SHISA9: variants seen among roughly 807,000 people sequenced by gnomAD.
SHISA9 encodes shisa family member 9.
A neutral mutation model predicts 38.0 loss-of-function variants in SHISA9; 13 were observed. The ratio of observed to expected loss-of-function variants is 0.34; its 90% CI spans 0.22 to 0.54. The LOEUF is 0.54. Ranked by LOEUF, SHISA9 falls within the 20% of genes least tolerant of loss-of-function variation. SHISA9 has a pLI of 0.91. For missense variants in SHISA9, 538 were observed against 575.8 expected, an observed-to-expected ratio of 0.93 and a Z score of 0.67; for synonymous variants, 275 against 242.0, an observed-to-expected ratio of 1.14 and a Z score of -1.27.
chr16:13,447,434 C>T, the SHISA9 span, among the ~76,000 whole-genome samples: 1 of 152,182 alleles, frequency 6.6e-6, no homozygotes, highest in Admixed American at 6.5e-5. Flanking sequence ...CACATGTTGG[C>T]CCATCTCTGG....
chr16:13,042,672 A>G (rs1005024926), intron 2 of SHISA9, among the ~76,000 whole-genome samples: 1 of 152,150 alleles, frequency 6.6e-6, no homozygotes, highest in Non-Finnish European at 1.5e-5. Context: ...TTCAGATAAG[A>G]GTCTGAGGGA....
At chr16:13,469,547 TCTATC>T in the SHISA9 span, among the ~76,000 whole-genome samples, 1 of 152,182 alleles carries the variant, frequency 6.6e-6, no homozygotes, top group African/African-American at 2.4e-5. Flanking sequence ...CTCATCTTCT[TCTATC>T]CTATAAAATC....
the SHISA9 span, among the ~76,000 whole-genome samples, chr16:13,497,592 C>T: frequency 4.7e-5 from 7 of 148,976 alleles, no homozygotes; most frequent in Admixed American, 2.7e-4. Flanking sequence ...AACTGAGGCA[C>T]GAGAATTGCT....
the SHISA9 span, among the ~76,000 whole-genome samples, chr16:13,311,151 C>G: frequency 6.6e-6 from 1 of 152,058 alleles, no homozygotes; most frequent in Non-Finnish European, 1.5e-5. Flanking sequence ...CTGCCTGATT[C>G]TTCTTGCTCT....
chr16:13,282,432 T>A, the SHISA9 span, among the ~76,000 whole-genome samples: 2 of 152,038 alleles, frequency 1.3e-5, no homozygotes, highest in Non-Finnish European at 2.9e-5. Flanking sequence ...AGATTTTTTG[T>A]CTTTTGTTTT....
intron 1 of SHISA9, among the ~76,000 whole-genome samples, chr16:12,912,373 A>T (rs1232878530): frequency 1.3e-5 from 2 of 152,186 alleles, no homozygotes; most frequent in Non-Finnish European, 2.9e-5. Flanking sequence ...GAACCGACCA[A>T]GTTCACAGTA....
chr16:13,352,817 C>T, the SHISA9 span, among the ~76,000 whole-genome samples: 2 of 150,410 alleles, frequency 1.3e-5, no homozygotes, highest in African/African-American at 5.0e-5. Flanking sequence ...AGTGGGGGAG[C>T]TTTTTGAGCC....
chr16:12,918,863 A>G (rs939197881), intron 2 of SHISA9, among the ~76,000 whole-genome samples: 1 of 152,198 alleles, frequency 6.6e-6, no homozygotes, highest in Non-Finnish European at 1.5e-5. Flanking sequence ...GGTTGATCCA[A>G]TTCTTCTTTC....
the SHISA9 span, among the ~76,000 whole-genome samples, chr16:13,359,952 G>A: frequency 6.6e-6 from 1 of 152,206 alleles, no homozygotes; most frequent in Non-Finnish European, 1.5e-5. Context: ...AGGGTGGATA[G>A]AGTTTCATCT....
chr16:13,299,474 G>A, the SHISA9 span, among the ~76,000 whole-genome samples: 1 of 152,108 alleles, frequency 6.6e-6, no homozygotes, highest in Non-Finnish European at 1.5e-5. Flanking sequence ...AGCACTTTAG[G>A]AGGCTGAGGT....
At chr16:13,022,271 C>T (rs922538571) in intron 2 of SHISA9, among the ~76,000 whole-genome samples, 1 of 152,100 alleles carries the variant, frequency 6.6e-6, no homozygotes, top group Non-Finnish European at 1.5e-5. Context: ...CTCACCTCAG[C>T]CTCTCGAGTA....
At chr16:13,343,833 G>A in the SHISA9 span, among the ~76,000 whole-genome samples, 1 of 152,178 alleles carries the variant, frequency 6.6e-6, no homozygotes, top group East Asian at 1.9e-4. Context: ...AACATCTTGA[G>A]AAGCTTTTGT....
chr16:13,003,270 G>T (rs1381843977), intron 2 of SHISA9, among the ~76,000 whole-genome samples: 2 of 152,204 alleles, frequency 1.3e-5, no homozygotes, highest in Admixed American at 1.3e-4. Flanking sequence ...CCATGGACAT[G>T]TTTCAAGGCA....
the SHISA9 span, among the ~76,000 whole-genome samples, chr16:13,540,581 C>T: frequency 1.3e-5 from 2 of 152,144 alleles, no homozygotes; most frequent in African/African-American, 4.8e-5. Context: ...GTCTCATTCC[C>T]CATTCCCCTA....
intron 1 of SHISA9, chr16:12,902,849 CGTGTGT>C (rs3974950): frequency 1.8e-5 from 9 of 492,950 alleles, no homozygotes; most frequent in South Asian, 2.8e-5. Flanking sequence ...TGTGTGTGAG[CGTGTGT>C]GTGTGTGTGT....
chr16:13,481,315 T>A, the SHISA9 span, among the ~76,000 whole-genome samples: 1 of 152,112 alleles, frequency 6.6e-6, no homozygotes, highest in Non-Finnish European at 1.5e-5. Flanking sequence ...TTCTATATGT[T>A]GGGTACATTG....
intron 2 of SHISA9, among the ~76,000 whole-genome samples, chr16:13,199,143 T>C (rs949726563): frequency 6.6e-6 from 1 of 152,140 alleles, no homozygotes; most frequent in Non-Finnish European, 1.5e-5. Flanking sequence ...TTGAGCCTAG[T>C]AGGTTGAGTC....
Position 12,957,731 on chromosome 16 carries a change from C to G in SHISA9, c.691+40916C>G, listed in dbSNP as rs1001408639. ...TAAACTAAGAGGGTTAAACAACAAGCGTATTTTTTTGTTTTCTTCTCACAG... is the reference window on the plus strand; with the variant it reads ...TAAACTAAGAGGGTTAAACAACAAGGGTATTTTTTTGTTTTCTTCTCACAG... On this transcript the variant is annotated intron_variant, in intron 2 of 4. Transcript: ENST00000558583. Among the ~76,000 whole-genome samples, 3 of 152,034 alleles carry G rather than the reference C, an allele frequency of 2.0e-5. No homozygotes were observed. The South Asian group carries it at 6.2e-4, about 32-fold the overall frequency.
intron 2 of SHISA9, among the ~76,000 whole-genome samples, chr16:13,148,358 C>G (rs1024332468): frequency 2.6e-5 from 4 of 152,098 alleles, no homozygotes; most frequent in African/African-American, 7.2e-5. Flanking sequence ...GCAAACACAT[C>G]CACACTACAC....
Sources: gnomAD v4.1 joint callset for allele counts (sites outside exome capture counted in the v4.1 genomes callset) on GRCh38, gnomAD v4.1.1 for gene constraint, MANE v1.5 for transcripts, NCBI Gene and HGNC (gene_info 2026-07-23, HGNC 2026-07-21) for gene names.